DPH6: variants seen among roughly 807,000 people sequenced by gnomAD.
The protein encoded by DPH6 is diphthamine biosynthesis 6.
A neutral mutation model predicts 38.2 loss-of-function variants in DPH6; 33 were observed. The observed-to-expected ratio is 0.86, with a 90% CI of 0.65 to 1.15. The LOEUF is 1.15. DPH6 is among the 50% of genes most tolerant of loss of function. DPH6 has a pLI of 0.00. For synonymous variants in DPH6, 108 were observed against 103.0 expected (o/e 1.05, Z -0.30); for missense variants, 325 against 320.0 (o/e 1.02, Z -0.12).
intron 3 of DPH6, among the ~76,000 whole-genome samples, chr15:35,537,550 TAGATA>T (rs2055188853): frequency 6.6e-6 from 1 of 152,162 alleles, no homozygotes; most frequent in South Asian, 2.1e-4. Context: ...TAGTAACTAT[TAGATA>T]AATGAGCCCA....
the DPH6 span, among the ~76,000 whole-genome samples, chr15:35,190,570 C>T: frequency 2.0e-5 from 3 of 152,312 alleles, no homozygotes; most frequent in Non-Finnish European, 4.4e-5. Flanking sequence ...AGTTCTACAA[C>T]AGTGATGTTA....
At chr15:35,157,916 C>G in the DPH6 span, among the ~76,000 whole-genome samples, 1 of 151,484 alleles carries the variant, frequency 6.6e-6, no homozygotes, top group African/African-American at 2.4e-5. Flanking sequence ...AAGGCATTTA[C>G]TAAGAAGGAT....
intron 3 of DPH6, among the ~76,000 whole-genome samples, chr15:35,234,528 G>A (rs1348239821): frequency 2.0e-5 from 3 of 152,130 alleles, no homozygotes; most frequent in Non-Finnish European, 2.9e-5. Flanking sequence ...AGAGATCAGT[G>A]GCTATTTGTT....
At chr15:35,302,889 T>C (rs1278250360) in intron 3 of DPH6, among the ~76,000 whole-genome samples, 1 of 152,100 alleles carries the variant, frequency 6.6e-6, no homozygotes, top group Non-Finnish European at 1.5e-5. Context: ...TGCAGATTTG[T>C]GTGGAAACAT....
intron 3 of DPH6, among the ~76,000 whole-genome samples, chr15:35,246,255 G>A (rs1347378604): frequency 6.6e-6 from 1 of 152,192 alleles, no homozygotes; most frequent in East Asian, 1.9e-4. Context: ...GGACGCACGT[G>A]AAAGTAAGTT....
At chr15:35,522,051 T>C (rs1453508801) in intron 3 of DPH6, 87 of 1,591,134 alleles carry the variant, frequency 5.5e-5, no homozygotes, top group Non-Finnish European at 7.3e-5. Flanking sequence ...TCTAAGTTTT[T>C]AAACAGGAAA....
chr15:35,546,005 G>A (rs1388007323), intron 1 of DPH6, 114 bp downstream of exon 1: 1 of 993,864 alleles, frequency 1.0e-6, no homozygotes, highest in Admixed American at 4.2e-5. Flanking sequence ...GAGGAGCCGC[G>A]GAACCCCCAA....
At chr15:35,260,024 G>A (rs2140416936) in intron 3 of DPH6, among the ~76,000 whole-genome samples, 1 of 152,118 alleles carries the variant, frequency 6.6e-6, no homozygotes, top group South Asian at 2.1e-4. Flanking sequence ...ATAATCTTTG[G>A]GATAATTACT....
chr15:35,308,868 A>C (rs1316183007), intron 3 of DPH6, among the ~76,000 whole-genome samples: 1 of 152,258 alleles, frequency 6.6e-6, no homozygotes, highest in African/African-American at 2.4e-5. Flanking sequence ...AAAATAAACA[A>C]GCTGAGAGTG....
intron 3 of DPH6, among the ~76,000 whole-genome samples, chr15:35,279,583 A>C (rs986682128): frequency 3.3e-5 from 5 of 152,034 alleles, no homozygotes; most frequent in Non-Finnish European, 7.4e-5. Flanking sequence ...CTGGTTTAAA[A>C]GAGTGTGGCA....
intron 3 of DPH6, among the ~76,000 whole-genome samples, chr15:35,529,157 G>A (rs546887181): frequency 1.3e-5 from 2 of 152,186 alleles, no homozygotes; most frequent in South Asian, 2.1e-4. Flanking sequence ...GTCTGTTCTC[G>A]CACTGCTACC....
At chr15:35,332,234 T>C (rs1294874302) in intron 3 of DPH6, among the ~76,000 whole-genome samples, 1 of 152,144 alleles carries the variant, frequency 6.6e-6, no homozygotes, top group African/African-American at 2.4e-5. Context: ...TTTCCAATTA[T>C]CATATTTTTG....
chr15:35,298,854 A>G, intron 3 of DPH6: 1 of 1,027,360 alleles, frequency 9.7e-7, no homozygotes, highest in Non-Finnish European at 1.5e-6. Context: ...ACTGTGATCG[A>G]GGTCTTGAGT....
At chr15:35,432,932 T>A (rs1479758032) in intron 5 of DPH6, among the ~76,000 whole-genome samples, 2 of 152,138 alleles carry the variant, frequency 1.3e-5, no homozygotes, top group Non-Finnish European at 2.9e-5. Flanking sequence ...CGTAAATGAC[T>A]AATGACTAAA....
intron 3 of DPH6, among the ~76,000 whole-genome samples, chr15:35,241,331 G>A (rs904004159): frequency 3.5e-5 from 5 of 142,220 alleles, no homozygotes; most frequent in Non-Finnish European, 6.1e-5. Context: ...GGTTAAGTCC[G>A]TCCCGTTCTT....
chr15:35,520,933 T>C (rs2054914697), intron 3 of DPH6: 8 of 985,226 alleles, frequency 8.1e-6, no homozygotes, highest in Non-Finnish European at 9.6e-6. Flanking sequence ...CCAGAGAGAT[T>C]AGCACCTTCT....
chr15:35,306,482 C>T (rs1027784685), intron 3 of DPH6, among the ~76,000 whole-genome samples: 1 of 152,186 alleles, frequency 6.6e-6, no homozygotes, highest in Non-Finnish European at 1.5e-5. Flanking sequence ...GAGTCAGGCT[C>T]TGTTAGGCTA....
chr15:35,474,165 C>T (rs571769574), intron 3 of DPH6, among the ~76,000 whole-genome samples: 2 of 152,128 alleles, frequency 1.3e-5, no homozygotes, highest in East Asian at 1.9e-4. Context: ...TGGCAAAATC[C>T]TCTAAATCTT....
chr15:35,183,091 T>C, the DPH6 span, among the ~76,000 whole-genome samples: 1 of 152,230 alleles, frequency 6.6e-6, no homozygotes, highest in Non-Finnish European at 1.5e-5. Context: ...ATATCACTCA[T>C]AGCCTTTAAT....
Sources: gnomAD v4.1 joint callset for allele counts (sites outside exome capture counted in the v4.1 genomes callset) on GRCh38, gnomAD v4.1.1 for gene constraint, MANE v1.5 for transcripts, NCBI Gene and HGNC (gene_info 2026-07-23, HGNC 2026-07-21) for gene names.